LRTM3: variants seen among roughly 807,000 people sequenced by gnomAD.
LRTM3 encodes leucine rich repeat transmembrane protein 3.
At chr13:102,733,599 A>G in the LRTM3 span, 57 of 1,551,298 alleles carry the variant, frequency 3.7e-5, no homozygotes, top group Non-Finnish European at 4.8e-5. Flanking sequence ...ATTGTGGGAT[A>G]GGAAAGAAAC....
the LRTM3 span, chr13:102,745,623 T>C: frequency 1.3e-6 from 2 of 1,551,006 alleles, no homozygotes; most frequent in Non-Finnish European, 1.7e-6. Context: ...TGTTTTAAGT[T>C]TCTCGTCGTT....
chr13:102,736,247 G>A, the LRTM3 span: 16 of 1,550,684 alleles, frequency 1.0e-5, no homozygotes, highest in South Asian at 1.9e-4. Context: ...AGGACGTCCT[G>A]TCCTGTCCTG....
chr13:102,729,378 A>G, the LRTM3 span: 1 of 1,149,466 alleles, frequency 8.7e-7, no homozygotes, highest in Non-Finnish European at 1.1e-6. Flanking sequence ...TGGATGTTAT[A>G]TGATTGTATT....
At chr13:102,747,679 T>A in the LRTM3 span, 4 of 1,551,186 alleles carry the variant, frequency 2.6e-6, no homozygotes, top group Non-Finnish European at 3.5e-6. Flanking sequence ...TCTCTGGCAT[T>A]GTAAGTGGAT....
the LRTM3 span, chr13:102,740,760 C>T: frequency 1.3e-6 from 2 of 1,548,944 alleles, no homozygotes; most frequent in Non-Finnish European, 1.7e-6. Flanking sequence ...TCCTTTTCTG[C>T]CTGTCTTGGA....
the LRTM3 span, chr13:102,736,362 C>T: frequency 6.4e-7 from 1 of 1,551,052 alleles, no homozygotes; most frequent in East Asian, 2.4e-5. Flanking sequence ...GATGTCTTTG[C>T]CTTGAAAACG....
At chr13:102,752,279 CA>C in the LRTM3 span, among the ~76,000 whole-genome samples, 1 of 152,156 alleles carries the variant, frequency 6.6e-6, no homozygotes, top group Admixed American at 6.5e-5. Context: ...CTCATGCACA[CA>C]TTTCTCCTTT....
the LRTM3 span, among the ~76,000 whole-genome samples, chr13:102,755,750 A>G: frequency 1.3e-5 from 2 of 151,430 alleles, no homozygotes; most frequent in Non-Finnish European, 2.9e-5. Context: ...CACGTTCTGC[A>G]TATGTATCCT....
the LRTM3 span, chr13:102,742,207 A>T: frequency 6.5e-7 from 1 of 1,550,384 alleles, no homozygotes. Flanking sequence ...GCTGGATGTT[A>T]CCTCTCAGTT....
At chr13:102,736,863 A>G in the LRTM3 span, 1 of 1,551,064 alleles carries the variant, frequency 6.4e-7, no homozygotes. Flanking sequence ...GACAATGTAT[A>G]TTTTAATTTC....
At chr13:102,749,078 G>C in the LRTM3 span, 11 of 1,549,970 alleles carry the variant, frequency 7.1e-6, no homozygotes, top group Non-Finnish European at 9.6e-6. Context: ...AAGATGCAAA[G>C]CTATATCTGA....
chr13:102,738,945 T>C, the LRTM3 span: 2 of 1,550,748 alleles, frequency 1.3e-6, no homozygotes, highest in Non-Finnish European at 1.7e-6. Context: ...TCTTTGTCTT[T>C]CTGCGGCATA....
chr13:102,743,329 C>T, the LRTM3 span: 2 of 1,550,414 alleles, frequency 1.3e-6, no homozygotes, highest in Non-Finnish European at 1.7e-6. Context: ...ATCCACTTTG[C>T]CTTTTAATGT....
chr13:102,731,302 T>A, the LRTM3 span: 1 of 1,551,318 alleles, frequency 6.4e-7, no homozygotes. Context: ...TAAAGTTCAT[T>A]GTTTTATGTC....
At chr13:102,746,037 C>T in the LRTM3 span, 28 of 1,551,028 alleles carry the variant, frequency 1.8e-5, no homozygotes, top group Non-Finnish European at 2.4e-5. Flanking sequence ...ATCTTAGGAC[C>T]TCCAAGGACT....
chr13:102,735,918 C>T, the LRTM3 span: 24 of 1,540,996 alleles, frequency 1.6e-5, no homozygotes, highest in Non-Finnish European at 2.1e-5. Context: ...TGTACTCCTT[C>T]CCCTTGCTCT....
the LRTM3 span, chr13:102,732,884 T>C: frequency 1.9e-6 from 3 of 1,551,360 alleles, no homozygotes; most frequent in Admixed American, 3.9e-5. Context: ...GTCTGTTTGA[T>C]GTTTTTCCTC....
At chr13:102,748,180 A>C in the LRTM3 span, 1 of 1,551,120 alleles carries the variant, frequency 6.4e-7, no homozygotes. Context: ...TGTGAAATGC[A>C]TCAGACGTTT....
At chr13:102,751,286 TCAC>T in the LRTM3 span, among the ~76,000 whole-genome samples, 13 of 151,352 alleles carry the variant, frequency 8.6e-5, no homozygotes, top group Admixed American at 7.3e-4. Context: ...GGCTTGCAAG[TCAC>T]CACAATTGCT....
Sources: gnomAD v4.1 joint callset for allele counts (sites outside exome capture counted in the v4.1 genomes callset) on GRCh38, gnomAD v4.1.1 for gene constraint, MANE v1.5 for transcripts, NCBI Gene and HGNC (gene_info 2026-07-23, HGNC 2026-07-21) for gene names.